The following NRG3 variants were observed in gnomAD, a reference collection of about 807,000 sequenced individuals.
NRG3 encodes the protein neuregulin 3, also known as pro-neuregulin-3, membrane-bound isoform.
NRG3 carries 31 observed loss-of-function variants against 66.9 expected under a neutral mutation model. The ratio of observed to expected loss-of-function variants is 0.46; its 90% CI spans 0.35 to 0.63. The LOEUF (loss-of-function observed/expected upper bound fraction) is 0.63. Ranked by LOEUF, NRG3 falls within the 20% of genes least tolerant of loss-of-function variation. NRG3 has a pLI of 0.00. For missense variants in NRG3, 910 were observed against 878.9 expected (o/e 1.04, Z -0.45); for synonymous variants, 393 against 359.4 (o/e 1.09, Z -1.06).
chr10:82,138,721 G>A (rs1419135331), intron 1 of NRG3, among the ~76,000 whole-genome samples: 1 of 152,096 alleles, frequency 6.6e-6, no homozygotes, highest in Non-Finnish European at 1.5e-5. Context: ...TTCAGTCTGT[G>A]GCCCAAGAGC....
chr10:81,975,423 A>G (rs778162684), intron 1 of NRG3, among the ~76,000 whole-genome samples: 34 of 151,856 alleles, frequency 2.2e-4, no homozygotes, highest in Non-Finnish European at 4.1e-4. Context: ...TTATCATGGC[A>G]GGTGTCTCAG....
chr10:82,012,724 A>G (rs1324477671), intron 1 of NRG3, among the ~76,000 whole-genome samples: 1 of 152,114 alleles, frequency 6.6e-6, no homozygotes, highest in Non-Finnish European at 1.5e-5. Context: ...TTCAAGTTCA[A>G]AGTTCCAGAG....
rs78557008 is a variant in NRG3 at position 82,415,704 on chromosome 10, G to A, written c.953+56836G>A. ...GCTACTCCAGAGAATACTTGTTTTCGTTCTGTGACAAAGTTTATTTTGCAG... is the reference window on the plus strand; with the variant it reads ...GCTACTCCAGAGAATACTTGTTTTCATTCTGTGACAAAGTTTATTTTGCAG... On this transcript the variant is annotated intron_variant, in intron 2 of 8. Coordinates refer to ENST00000372141, the MANE Select transcript of NRG3 (RefSeq NM_001010848.4). Among the ~76,000 whole-genome samples the A allele has an allele frequency of 6.5e-3, 991 of 152,174 alleles. 12 individuals carry two copies. Among genetic ancestry groups the A allele is most frequent in the African/African-American group, 0.017 (722 of 41,518 alleles).
rs552507246 is a variant in NRG3 at position 82,304,433 on chromosome 10, T to C, written c.824-54306T>C. On this transcript the variant is annotated intron_variant, in intron 1 of 8. Transcript: ENST00000372141. ...AGATAAAAATTATTTTTCCAGTTTA[T>C]CATTTGTCTTTTGATTTTACTTGCA... Among the ~76,000 whole-genome samples, 462 of 152,334 alleles carry C rather than the reference T, an allele frequency of 3.0e-3. 5 individuals carry two copies. Among genetic ancestry groups the C allele is most frequent in the African/African-American group, 0.01 (432 of 41,584 alleles).
At chr10:82,178,454 T>A (rs566902239) in intron 1 of NRG3, among the ~76,000 whole-genome samples, 1 of 152,136 alleles carries the variant, frequency 6.6e-6, no homozygotes, top group Non-Finnish European at 1.5e-5. Context: ...TTTAGATACT[T>A]TATATAAGTG....
intron 1 of NRG3, among the ~76,000 whole-genome samples, chr10:81,987,444 C>T (rs1564714866): frequency 6.6e-6 from 1 of 152,142 alleles, no homozygotes; most frequent in Admixed American, 6.5e-5. Flanking sequence ...CACGATATCC[C>T]ATTTTGTAAC....
intron 3 of NRG3, among the ~76,000 whole-genome samples, chr10:82,749,284 C>T (rs1409125493): frequency 6.6e-6 from 1 of 151,788 alleles, no homozygotes; most frequent in Non-Finnish European, 1.5e-5. Flanking sequence ...GCATGACTCC[C>T]CAGAGAGAAA....
At chr10:82,076,312 T>C (rs2065088083) in intron 1 of NRG3, among the ~76,000 whole-genome samples, 1 of 152,178 alleles carries the variant, frequency 6.6e-6, no homozygotes, top group East Asian at 1.9e-4. Context: ...CAGAGAAAGA[T>C]CTTGTCCTCA....
intron 1 of NRG3, among the ~76,000 whole-genome samples, chr10:82,200,712 A>C (rs2074755697): frequency 6.6e-6 from 1 of 151,962 alleles, no homozygotes; most frequent in African/African-American, 2.4e-5. Context: ...CAGGCCTGTT[A>C]CTCTCCGAAG....
chr10:82,585,774 G>GAATT, intron 2 of NRG3, among the ~76,000 whole-genome samples: 1 of 152,198 alleles, frequency 6.6e-6, no homozygotes, highest in African/African-American at 2.4e-5. Flanking sequence ...TCAAAGCACT[G>GAATT]AATTAATGGA....
chr10:82,441,454 A>G (rs2090427287), intron 2 of NRG3, among the ~76,000 whole-genome samples: 1 of 152,168 alleles, frequency 6.6e-6, no homozygotes, highest in South Asian at 2.1e-4. Flanking sequence ...TCTGCTATTC[A>G]CTGTTTCCAT....
chr10:82,063,036 G>A (rs996385228), intron 1 of NRG3, among the ~76,000 whole-genome samples: 2 of 152,076 alleles, frequency 1.3e-5, no homozygotes, highest in Admixed American at 1.3e-4. Context: ...CAGTACCTCA[G>A]CCAAGGACTT....
At chr10:82,878,253 C>A (rs370777671) in intron 4 of NRG3, among the ~76,000 whole-genome samples, 5 of 152,138 alleles carry the variant, frequency 3.3e-5, no homozygotes, top group Admixed American at 2.0e-4. Context: ...GGGGCCAGAG[C>A]AGATTATGAC....
intron 1 of NRG3, among the ~76,000 whole-genome samples, chr10:82,267,194 C>T (rs978362693): frequency 6.6e-6 from 1 of 152,156 alleles, no homozygotes; most frequent in African/African-American, 2.4e-5. Context: ...TAGCTCCTTT[C>T]TAGGACTTTG....
chr10:82,538,536 GT>G (rs368251170), intron 2 of NRG3, among the ~76,000 whole-genome samples: 6 of 151,982 alleles, frequency 3.9e-5, no homozygotes, highest in Non-Finnish European at 7.4e-5. Context: ...TCTGTTATCA[GT>G]TTTTTTGTGT....
intron 3 of NRG3, among the ~76,000 whole-genome samples, chr10:82,776,529 C>T (rs2059918004): frequency 6.6e-6 from 1 of 152,048 alleles, no homozygotes; most frequent in South Asian, 2.1e-4. Flanking sequence ...TGCCTTTTTC[C>T]ATCTCTTTAC....
rs181863012 is a variant in NRG3, at chr10:82,059,632, G to A, written c.823+183469G>A. Among the ~76,000 whole-genome samples, 13 of 152,112 alleles carry A rather than the reference G, an allele frequency of 8.5e-5. No homozygotes were observed. The East Asian group carries it at 2.3e-3, about 27-fold the overall frequency. Reference sequence around the variant, plus strand: ...ATTTCCATTCCCAATTTTACTTCTCGTCCCAATTCAAATCATTCTTACTTA... The same window carrying A: ...ATTTCCATTCCCAATTTTACTTCTCATCCCAATTCAAATCATTCTTACTTA... On this transcript the variant is annotated intron_variant, in intron 1 of 8. Coordinates refer to ENST00000372141, the MANE Select transcript of NRG3 (RefSeq NM_001010848.4).
chr10:82,745,340 G>T (rs559225246), intron 3 of NRG3, among the ~76,000 whole-genome samples: 1 of 152,110 alleles, frequency 6.6e-6, no homozygotes, highest in South Asian at 2.1e-4. Context: ...AAATTAGATA[G>T]AGGAAAAACA....
At chr10:81,997,857 A>G (rs2061002885) in intron 1 of NRG3, among the ~76,000 whole-genome samples, 1 of 135,380 alleles carries the variant, frequency 7.4e-6, no homozygotes. Context: ...ACCCCCCACC[A>G]AAGGCCCAAC....
Sources: gnomAD v4.1 joint callset for allele counts (sites outside exome capture counted in the v4.1 genomes callset) on GRCh38, gnomAD v4.1.1 for gene constraint, MANE v1.5 for transcripts, NCBI Gene and HGNC (gene_info 2026-07-23, HGNC 2026-07-21) for gene names.